PRKG1: variants seen among roughly 807,000 people sequenced by gnomAD.
PRKG1 encodes cGMP-dependent protein kinase 1.
A neutral mutation model predicts 88.1 loss-of-function variants in PRKG1; 35 were observed. The observed-to-expected ratio is 0.40, with a 90% CI of 0.30 to 0.53. The LOEUF (loss-of-function observed/expected upper bound fraction) is 0.53, where lower values mean the gene tolerates loss of function less well. Among genes scored for constraint, PRKG1 ranks in the 20% least tolerant of loss-of-function variants. The probability of loss-of-function intolerance (pLI) is 0.59; values close to 1 mark genes in which losing one functional copy is unlikely to be tolerated. For synonymous variants in PRKG1, 303 were observed against 292.5 expected (o/e 1.04, Z -0.37); for missense variants, 540 against 839.8 (o/e 0.64, Z 4.41).
intron 3 of PRKG1, among the ~76,000 whole-genome samples, chr10:51,505,885 C>G (rs890370549): frequency 1.3e-5 from 2 of 151,914 alleles, no homozygotes; most frequent in South Asian, 4.1e-4. Flanking sequence ...GTCTTGCTAG[C>G]GGTCTATCAA....
At chr10:52,127,318 C>T (rs924428977) in intron 7 of PRKG1, among the ~76,000 whole-genome samples, 7 of 152,056 alleles carry the variant, frequency 4.6e-5, no homozygotes, top group Admixed American at 2.6e-4. Flanking sequence ...AGGTTTGAAT[C>T]GCAGGTTGCA....
intron 3 of PRKG1, among the ~76,000 whole-genome samples, chr10:51,734,170 T>C (rs76024100): frequency 0.015 from 2,358 of 152,278 alleles, 71 homozygotes; most frequent in African/African-American, 0.053. Context: ...GACTGATAAA[T>C]TGTCAACATT....
intron 4 of PRKG1, among the ~76,000 whole-genome samples, chr10:51,876,187 G>T (rs989250422): frequency 6.6e-6 from 1 of 151,682 alleles, no homozygotes; most frequent in Non-Finnish European, 1.5e-5. Context: ...CCACATCCAT[G>T]AACACATTTA....
intron 3 of PRKG1, among the ~76,000 whole-genome samples, chr10:51,538,804 A>G (rs1842228979): frequency 6.6e-6 from 1 of 152,142 alleles, no homozygotes; most frequent in East Asian, 1.9e-4. Context: ...CAAATTAAAA[A>G]CACAGTTCAG....
chr10:51,226,051 A>G (rs1369106930), intron 2 of PRKG1, among the ~76,000 whole-genome samples: 1 of 152,084 alleles, frequency 6.6e-6, no homozygotes. Flanking sequence ...TAAAATACAA[A>G]AAGTTAGCCA....
intron 2 of PRKG1, among the ~76,000 whole-genome samples, chr10:51,338,967 T>C (rs954179162): frequency 1.3e-5 from 2 of 152,166 alleles, no homozygotes; most frequent in African/African-American, 2.4e-5. Context: ...AACTTAATAA[T>C]AGGCCATGTT....
intron 7 of PRKG1, among the ~76,000 whole-genome samples, chr10:52,063,190 C>G (rs1266248012): frequency 2.0e-5 from 3 of 152,212 alleles, no homozygotes; most frequent in Non-Finnish European, 4.4e-5. Flanking sequence ...GACTGCAAGT[C>G]AGGCGTGAAG....
At chr10:51,411,686 G>A (rs541199808) in intron 2 of PRKG1, among the ~76,000 whole-genome samples, 1 of 152,138 alleles carries the variant, frequency 6.6e-6, no homozygotes, top group African/African-American at 2.4e-5. Flanking sequence ...TTTTCTGTCC[G>A]TTTTTGCTTT....
intron 2 of PRKG1, among the ~76,000 whole-genome samples, chr10:51,160,206 T>A (rs1245769021): frequency 1.3e-5 from 2 of 152,216 alleles, no homozygotes; most frequent in Non-Finnish European, 2.9e-5. Context: ...GTAATGTATG[T>A]GTTTAGTTTT....
intron 3 of PRKG1, among the ~76,000 whole-genome samples, chr10:51,531,042 A>T (rs1332958587): frequency 3.3e-5 from 5 of 152,188 alleles, no homozygotes; most frequent in African/African-American, 1.2e-4. Context: ...AGAAATCATA[A>T]ATACAAAGAG....
intron 3 of PRKG1, chr10:51,698,860 G>C: frequency 6.2e-7 from 1 of 1,614,140 alleles, no homozygotes; most frequent in Non-Finnish European, 8.5e-7. Context: ...GATTCTGCTG[G>C]TTCAGCAGAA....
At chr10:51,546,621 TA>T (rs1370357546) in intron 3 of PRKG1, among the ~76,000 whole-genome samples, 3 of 152,218 alleles carry the variant, frequency 2.0e-5, no homozygotes, top group East Asian at 3.9e-4. Flanking sequence ...ACCTTCTACT[TA>T]AAAACTTTAA....
At chr10:51,313,929 A>T (rs1841256434) in intron 2 of PRKG1, among the ~76,000 whole-genome samples, 1 of 152,100 alleles carries the variant, frequency 6.6e-6, no homozygotes, top group African/African-American at 2.4e-5. Flanking sequence ...AATAGTTTTG[A>T]TTTGCATTTG....
At chr10:51,448,227 A>T (rs1444380525) in intron 2 of PRKG1, among the ~76,000 whole-genome samples, 3 of 152,044 alleles carry the variant, frequency 2.0e-5, no homozygotes, top group African/African-American at 4.8e-5. Context: ...CATTCTGGGC[A>T]ATAGAGCAAG....
chr10:51,194,942 G>A (rs752410171), intron 2 of PRKG1, among the ~76,000 whole-genome samples: 72 of 152,190 alleles, frequency 4.7e-4, no homozygotes, highest in Non-Finnish European at 8.7e-4. Flanking sequence ...TGAGGGCAGA[G>A]TCTTCATGGC....
At chr10:51,798,372 G>T (rs189553282) in intron 3 of PRKG1, among the ~76,000 whole-genome samples, 5 of 152,046 alleles carry the variant, frequency 3.3e-5, no homozygotes, top group African/African-American at 9.6e-5. Flanking sequence ...CTATCTCATG[G>T]TGATTTTGAT....
At chr10:51,650,893 A>T (rs918370170) in intron 3 of PRKG1, among the ~76,000 whole-genome samples, 1 of 152,092 alleles carries the variant, frequency 6.6e-6, no homozygotes, top group Non-Finnish European at 1.5e-5. Flanking sequence ...AATCACTGGT[A>T]CCTGTGATCT....
intron 2 of PRKG1, among the ~76,000 whole-genome samples, chr10:51,243,157 G>A (rs529198875): frequency 4.5e-4 from 68 of 152,290 alleles, no homozygotes; most frequent in African/African-American, 1.5e-3. Context: ...TAGTGTGACT[G>A]TGTTCATCCT....
intron 1 of PRKG1, among the ~76,000 whole-genome samples, chr10:51,123,172 T>C (rs1244756336): frequency 6.6e-6 from 1 of 152,202 alleles, no homozygotes; most frequent in African/African-American, 2.4e-5. Flanking sequence ...CTGATGGGCA[T>C]TGACACTTCC....
Sources: allele counts gnomAD v4.1 joint callset (sites outside exome capture counted in the v4.1 genomes callset), GRCh38; gene constraint gnomAD v4.1.1; transcripts MANE v1.5; gene names NCBI Gene and HGNC (gene_info 2026-07-23, HGNC 2026-07-21).